The following WASHC5 variants were observed in gnomAD, a reference collection of about 807,000 sequenced individuals.
The protein encoded by WASHC5 is WASH complex subunit 5.
Under a neutral mutation model 150.4 loss-of-function variants are expected in WASHC5, and 101 were observed. The ratio of observed to expected loss-of-function variants is 0.67; its 90% confidence interval spans 0.57 to 0.79. The LOEUF (loss-of-function observed/expected upper bound fraction) is 0.79, where lower values mean the gene tolerates loss of function less well. Ranked by LOEUF, WASHC5 falls within the 30% of genes least tolerant of loss-of-function variation. WASHC5 has a pLI of 0.00. For synonymous variants in WASHC5, 467 were observed against 491.2 expected, an observed-to-expected ratio of 0.95 and a Z score of 0.65; for missense variants, 1,195 against 1,396.3, an observed-to-expected ratio of 0.86 and a Z score of 2.30.
chr8:125,039,788 C>T lies in WASHC5; in HGVS notation c.2954+7G>A. 1 of 1,595,182 alleles carries T rather than the reference C, an allele frequency of 6.3e-7. No homozygotes were observed. The highest frequency in any genetic ancestry group is 8.6e-7 in the Non-Finnish European group (1 of 1,162,806). ...CACGGATGGCTGTTTCAAACCCTGGCACTTACTTATTGAGATTCTCCAGAG... is the reference window on the plus strand; with the variant it reads ...CACGGATGGCTGTTTCAAACCCTGGTACTTACTTATTGAGATTCTCCAGAG... On this transcript the variant is annotated splice_region_variant and intron_variant, in intron 24 of 28. Transcript: ENST00000318410.
chr8:125,075,123 G>C lies in WASHC5; in HGVS notation c.865-12C>G. The C allele has an allele frequency of 6.7e-7, 1 of 1,488,664 alleles. No homozygotes were observed. Among genetic ancestry groups the C allele is most frequent in the Non-Finnish European group, 9.4e-7 (1 of 1,066,060 alleles). The allele number at this position is 1,488,664 out of a possible 1,614,324, so 92.2% of individuals were successfully genotyped here. On this transcript the variant is annotated splice_polypyrimidine_tract_variant and intron_variant, in intron 7 of 28. Transcript: ENST00000318410. Reference sequence around the variant, plus strand: ...TAAATACTAATTACCTGAAAGAGGAGACATTCAGAATTTGTTAAATTCCTA... The same window carrying C: ...TAAATACTAATTACCTGAAAGAGGACACATTCAGAATTTGTTAAATTCCTA...
intron 1 of WASHC5, among the ~76,000 whole-genome samples, chr8:125,089,142 AATTTC>A (rs1315008561): frequency 6.6e-6 from 1 of 152,208 alleles, no homozygotes; most frequent in Non-Finnish European, 1.5e-5. Context: ...AATTTCAGAT[AATTTC>A]ATTTCATTTT....
intron 18 of WASHC5, 33 bp from the exon 19 acceptor site, chr8:125,049,218 C>A (rs765504926): frequency 1.9e-6 from 3 of 1,608,150 alleles, no homozygotes; most frequent in Non-Finnish European, 2.6e-6. Flanking sequence ...AGCTCTTACA[C>A]TGGAGTAGAT....
rs368546546 is a variant in WASHC5, at chr8:125,059,514, T to A, written c.1550A>T (p.Asn517Ile). The A allele has an allele frequency of 1.1e-5, 18 of 1,613,906 alleles. No homozygotes were observed. Among genetic ancestry groups the A allele is most frequent in the Non-Finnish European group, 1.5e-5 (18 of 1,179,976 alleles). ...EVQEFHQLES[N>I]LQVCQFLADT... ...GGCAAGAAACTGACATACTTGCAGA[T>A]TGGATTCCAACTGGTGGAATTCTTG... The change falls in exon 13 of 29, where the codon AAT (asparagine) becomes ATT (isoleucine). Residue 517 changes from asparagine (N) to isoleucine (I), a missense_variant. Coordinates refer to ENST00000318410, the MANE Select transcript of WASHC5 (RefSeq NM_014846.4).
intron 27 of WASHC5, among the ~76,000 whole-genome samples, chr8:125,031,105 A>G (rs1219350881): frequency 6.6e-6 from 1 of 152,206 alleles, no homozygotes; most frequent in African/African-American, 2.4e-5. Flanking sequence ...CTGGAGAGGT[A>G]GCACAAGCCC....
chr8:125,027,553 G>A (rs755866510), intron 28 of WASHC5, among the ~76,000 whole-genome samples: 13 of 152,244 alleles, frequency 8.5e-5, no homozygotes, highest in African/African-American at 1.4e-4. Flanking sequence ...CTACTGATAT[G>A]TGGGAGCTAA....
At chr8:125,049,299 C>T in intron 18 of WASHC5, 114 bp from the exon 19 acceptor site, 1 of 1,094,568 alleles carries the variant, frequency 9.1e-7, no homozygotes, top group Non-Finnish European at 1.4e-6. Context: ...TGGCTCCCAC[C>T]TGTAACCCCA....
At chr8:125,081,813 G>C in intron 4 of WASHC5, 52 bp from the exon 5 acceptor site, 3 of 1,044,530 alleles carry the variant, frequency 2.9e-6, no homozygotes, top group African/African-American at 1.6e-5. Flanking sequence ...ACATTCTTAG[G>C]GAGTAAAGTC....
In WASHC5 at chr8:125,084,039, A is replaced by G. The variant is rs1219913502; in HGVS notation, c.-124-17T>C. The G allele has an allele frequency of 2.5e-6, 2 of 786,226 alleles. No homozygotes were observed. The highest frequency in any genetic ancestry group is 5.4e-5 in the East Asian group (2 of 37,174). 48.7% of individuals were successfully genotyped at this position (786,226 alleles called of 1,614,324 possible). A position where few individuals can be genotyped will look rare whatever the true frequency, so the allele number is the denominator to read the frequency against. ...TTAAAGAACCTGTATCCCCAAAAAA[A>G]GTGTGAAAATCTCAATTTGTTTAAG... is the stretch of plus-strand genomic sequence containing the variant. On this transcript the variant is annotated splice_polypyrimidine_tract_variant and intron_variant, in intron 1 of 28. Coordinates refer to ENST00000318410, the MANE Select transcript of WASHC5 (RefSeq NM_014846.4).
At chr8:125,090,788 T>A (rs1321817976) in intron 1 of WASHC5, among the ~76,000 whole-genome samples, 2 of 152,170 alleles carry the variant, frequency 1.3e-5, no homozygotes, top group East Asian at 3.9e-4. Context: ...AAAACCTCAG[T>A]TCCATAAAGG....
chr8:125,056,324 T>C (rs369491901), intron 16 of WASHC5, among the ~76,000 whole-genome samples: 5 of 152,274 alleles, frequency 3.3e-5, no homozygotes, highest in African/African-American at 9.6e-5. Flanking sequence ...TAATGGAATA[T>C]AGATTATTTT....
chr8:125,029,424 G>A (rs546934250), intron 27 of WASHC5, among the ~76,000 whole-genome samples: 1 of 152,310 alleles, frequency 6.6e-6, no homozygotes, highest in African/African-American at 2.4e-5. Flanking sequence ...CTCCTGGGCT[G>A]TCATAATAGT....
intron 9 of WASHC5, among the ~76,000 whole-genome samples, chr8:125,071,833 TG>T (rs1315774712): frequency 6.6e-6 from 1 of 152,218 alleles, no homozygotes; most frequent in Middle Eastern, 3.2e-3. Flanking sequence ...TGGGGCTCAC[TG>T]GGCTAAAATC....
intron 9 of WASHC5, among the ~76,000 whole-genome samples, chr8:125,068,271 A>G (rs1334383566): frequency 2.6e-5 from 4 of 152,204 alleles, no homozygotes; most frequent in Non-Finnish European, 5.9e-5. Flanking sequence ...TTGTACAAAC[A>G]ACGTTTTCCT....
rs1817344218 is a variant in WASHC5 at position 125,083,851 on chromosome 8, T to G, written c.48A>C (p.Leu16=). The G allele has an allele frequency of 6.2e-7, 1 of 1,613,780 alleles. No individual in the cohort carries two copies. The highest frequency in any genetic ancestry group is 1.1e-5 in the South Asian group (1 of 91,064). The part of the protein sequence containing the change: ...AENNLCGQAI[L]RIVSCGNAII... ...TGGCATTACCACAGGAAACAATCCT[T>G]AGGATTGCTTGGCCACAGAGGTTGT... is the stretch of plus-strand genomic sequence containing the variant. The change falls in exon 2 of 29, where the codon CTA becomes CTC. Residue 16 remains leucine (L), a synonymous_variant. Transcript: ENST00000318410.
intron 5 of WASHC5, among the ~76,000 whole-genome samples, chr8:125,080,194 G>A (rs1817206912): frequency 6.6e-6 from 1 of 152,116 alleles, no homozygotes; most frequent in African/African-American, 2.4e-5. Context: ...AATAATAAAT[G>A]CTCACATTCT....
At chr8:125,088,006 G>A (rs77136454) in intron 1 of WASHC5, among the ~76,000 whole-genome samples, 4,100 of 152,226 alleles carry the variant, frequency 0.027, 196 homozygotes, top group African/African-American at 0.095. Flanking sequence ...AAGTCAGAAG[G>A]AAATGAGAGA....
intron 6 of WASHC5, 37 bp from the exon 7 acceptor site, chr8:125,076,537 G>A: frequency 6.2e-7 from 1 of 1,610,598 alleles, no homozygotes. Flanking sequence ...AAAGCTGTTG[G>A]CAACATTTGC....
intron 1 of WASHC5, among the ~76,000 whole-genome samples, chr8:125,090,127 A>G (rs570257892): frequency 6.6e-6 from 1 of 152,376 alleles, no homozygotes; most frequent in South Asian, 2.1e-4. Flanking sequence ...GAAATCACTT[A>G]GTTACATTTT....
Sources: gnomAD v4.1 joint callset for allele counts (sites outside exome capture counted in the v4.1 genomes callset) on GRCh38, gnomAD v4.1.1 for gene constraint, MANE v1.5 for transcripts, NCBI Gene and HGNC (gene_info 2026-07-23, HGNC 2026-07-21) for gene names.